The following LLGL1 variants were observed in gnomAD, a reference collection of about 807,000 sequenced individuals.
The protein encoded by LLGL1 is lethal(2) giant larvae protein homolog 1.
In LLGL1, 58 loss-of-function variants were observed where a neutral mutation model predicts 110.6. The observed-to-expected ratio is 0.52, with a 90% CI of 0.42 to 0.65. The LOEUF (loss-of-function observed/expected upper bound fraction) is 0.65. LLGL1 is among the 30% of genes least tolerant of loss of function. LLGL1 has a pLI of 0.00. For synonymous variants in LLGL1, 674 were observed against 607.2 expected, an observed-to-expected ratio of 1.11 and a Z score of -1.62; for missense variants, 1,229 against 1,462.1, an observed-to-expected ratio of 0.84 and a Z score of 2.60.
chr17:18,234,212 C>G, intron 6 of LLGL1, 37 bp downstream of exon 6: 1 of 1,599,142 alleles, frequency 6.3e-7, no homozygotes, highest in Non-Finnish European at 8.5e-7. Flanking sequence ...CAGCCTGGGC[C>G]CCTTGTGCAT....
Position 18,238,176 on chromosome 17 carries a change from G to C in LLGL1, c.2014G>C (p.Val672Leu). ...TTTCCGGCGCATTCGCAAGAGTCGT[G>C]TCTCTGGCAAGAAGCGGGCTGCTAA... ...QSFRRIRKSR[V>L]SGKKRAANAS... The change falls in exon 15 of 23, where the codon GTC becomes CTC. Residue 672 changes from valine to leucine, a missense_variant. Transcript: ENST00000316843. The C allele has an allele frequency of 6.2e-7, 1 of 1,612,982 alleles. No individual in the cohort carries two copies.
In LLGL1 at chr17:18,234,402, C is replaced by A; in HGVS notation, c.844C>A (p.Pro282Thr). Residue 282 changes from proline (P) to threonine (T), a missense_variant, in exon 7 of 23, where the codon CCT (proline) becomes ACT (threonine). Transcript: ENST00000316843. Reference protein sequence around the residue: ...PTLQPTVATTPYGPFPCKAIN... With the variant: ...PTLQPTVATTTYGPFPCKAIN... ...GCTGCAGCCCACGGTAGCCACCACA[C>A]CTTACGGTGAGTGCTGGGGACACCT... 1 of 1,612,590 alleles carries A rather than the reference C, an allele frequency of 6.2e-7. No individual in the cohort carries two copies. The highest frequency in any genetic ancestry group is 1.3e-5 in the African/African-American group (1 of 75,068).
At chr17:18,236,497 T>C (rs1383798715) in intron 11 of LLGL1, 110 bp from the exon 12 acceptor site, 7 of 1,078,932 alleles carry the variant, frequency 6.5e-6, no homozygotes, top group African/African-American at 3.1e-5. Flanking sequence ...TTCCGGTCAG[T>C]GTTTGGCACG....
At chr17:18,231,834 G>C (rs61576260) in intron 2 of LLGL1, among the ~76,000 whole-genome samples, 1 of 151,970 alleles carries the variant, frequency 6.6e-6, no homozygotes, top group Non-Finnish European at 1.5e-5. Flanking sequence ...TAATTTTTGC[G>C]TTTTTAGTAG....
chr17:18,225,799 GGGGGCGGGAC>G, intron 1 of LLGL1, 36 bp downstream of exon 1: 1 of 944,620 alleles, frequency 1.1e-6, no homozygotes, highest in Non-Finnish European at 1.3e-6. Context: ...TCGGGCGGGA[GGGGGCGGGAC>G]GGGGGCCTGG....
rs745652138 is a variant in LLGL1 at position 18,236,599 on chromosome 17, C to T, written c.1353-8C>T. On this transcript the variant is annotated splice_polypyrimidine_tract_variant and splice_region_variant and intron_variant, in intron 11 of 22. Transcript: ENST00000316843. ...CTCGGGTAGCCCTGACATCTGCCCT[C>T]CCTGCAGCCATGAGGACGGCACCGT... is the stretch of plus-strand genomic sequence containing the variant. 9 of 1,605,574 alleles carry T rather than the reference C, an allele frequency of 5.6e-6. No homozygotes were observed. In the South Asian group the frequency reaches 9.9e-5, roughly 18 times the overall value.
rs778698274 is a variant in LLGL1 at position 18,234,640 on chromosome 17, A to T, written c.851-9A>T. Reference sequence around the variant, plus strand: ...AGTGAGTCTGGTCTGACGCTGTCCCACCCCTCAGGCCCCTTTCCCTGCAAG... The same window carrying T: ...AGTGAGTCTGGTCTGACGCTGTCCCTCCCCTCAGGCCCCTTTCCCTGCAAG... On this transcript the variant is annotated splice_polypyrimidine_tract_variant and intron_variant, in intron 7 of 22. Coordinates refer to ENST00000316843, the MANE Select transcript of LLGL1 (RefSeq NM_004140.4). 6.2e-7 allele frequency: 1 copy of T among 1,613,848 alleles called. No homozygotes were observed. The highest frequency in any genetic ancestry group is 1.3e-5 in the African/African-American group (1 of 74,914).
intron 16 of LLGL1, among the ~76,000 whole-genome samples, chr17:18,238,934 G>A (rs774913006): frequency 3.9e-4 from 60 of 152,214 alleles, no homozygotes; most frequent in Middle Eastern, 6.8e-3. Context: ...TTGCTTGAAC[G>A]TGGGAGGCGG....
intron 2 of LLGL1, among the ~76,000 whole-genome samples, chr17:18,232,064 C>G (rs1228523496): frequency 3.9e-5 from 6 of 152,234 alleles, no homozygotes; most frequent in African/African-American, 1.2e-4. Context: ...GGCCTTGCAC[C>G]TCTGGCCTGC....
rs1376840752 is a variant in LLGL1 at position 18,244,049 on chromosome 17, AC to A, written c.*146del. 1 of 152,108 alleles carries A rather than the reference AC, an allele frequency of 6.6e-6. No homozygotes were observed. Among genetic ancestry groups the A allele is most frequent in the Non-Finnish European group, 1.5e-5 (1 of 68,136 alleles). The allele number at this position is 152,108 out of a possible 1,614,324, so 9.4% of individuals were successfully genotyped here. On this transcript the variant is annotated 3_prime_UTR_variant, in exon 23 of 23. Coordinates refer to ENST00000316843, the MANE Select transcript of LLGL1 (RefSeq NM_004140.4). ...GGGACCTGCTGTCCTGTCCCGCCTG[AC>A]CCTGGGCCCTGGAGCAGCACCAGCC... is the stretch of plus-strand genomic sequence containing the variant.
chr17:18,243,020 T>C (rs1291851283), intron 22 of LLGL1, among the ~76,000 whole-genome samples, 198 bp downstream of exon 22: 1 of 152,198 alleles, frequency 6.6e-6, no homozygotes, highest in African/African-American at 2.4e-5. Flanking sequence ...AGTGTCATGG[T>C]TGGGTATTAG....
rs1056823103 is a variant in LLGL1 at position 18,244,822 on chromosome 17, A to G, written c.*916A>G. On this transcript the variant is annotated 3_prime_UTR_variant, in exon 23 of 23. Transcript: ENST00000316843. ...TTGTTAAAATTAGCGCCATTTTAAT[A>G]TTAAAAATACTGATTTTTAATATTG... 7.9e-6 allele frequency: 3 copies of G among 377,558 alleles called. No individual in the cohort carries two copies. The highest frequency in any genetic ancestry group is 4.6e-5 in the Admixed American group (1 of 21,916). 23.4% of individuals were successfully genotyped at this position (377,558 alleles called of 1,614,324 possible). A position where few individuals can be genotyped will look rare whatever the true frequency, so the allele number is the denominator to read the frequency against.
rs1567695863 is a variant in LLGL1 at position 18,240,896 on chromosome 17, GGAC to G, written c.2502+24_2502+26del. 2 of 1,487,842 alleles carry G rather than the reference GGAC, an allele frequency of 1.3e-6. No homozygotes were observed. Among genetic ancestry groups the G allele is most frequent in the Non-Finnish European group, 1.8e-6 (2 of 1,109,684 alleles). 92.2% of individuals were successfully genotyped at this position (1,487,842 alleles called of 1,614,324 possible). On this transcript the variant is annotated intron_variant, in intron 17 of 22. Transcript: ENST00000316843. The surrounding 1 kb of genome is among the most constrained non-coding windows in gnomAD (Gnocchi z 5.3). ...AAGGTGAGCCACTGTGGGCTGTGGG[GGAC>G]TCTGGGGGACTCCCCTCCAGGCCCC... is the stretch of plus-strand genomic sequence containing the variant.
intron 20 of LLGL1, 51 bp from the exon 21 acceptor site, chr17:18,242,457 T>G: frequency 1.2e-6 from 2 of 1,609,134 alleles, no homozygotes; most frequent in Non-Finnish European, 1.7e-6. Context: ...GGCCCCCAGG[T>G]GCAGAGGGTG....
rs2047628429 is a variant in LLGL1, at chr17:18,233,953, C to G, written c.551+17C>G. The stretch of plus-strand genomic sequence containing the variant: ...TCTGCGCAGGTAAGAGGCCGGTGGG[C>G]TTCCCAGCACCCACTGTGTGCCCGG... On this transcript the variant is annotated intron_variant, in intron 5 of 22. Transcript: ENST00000316843. 2 of 1,603,042 alleles carry G rather than the reference C, an allele frequency of 1.2e-6. No individual in the cohort carries two copies. The highest frequency in any genetic ancestry group is 1.7e-6 in the Non-Finnish European group (2 of 1,173,698).
intron 17 of LLGL1, 186 bp downstream of exon 17, chr17:18,241,059 C>T: frequency 1.5e-6 from 1 of 652,706 alleles, no homozygotes; most frequent in Non-Finnish European, 2.5e-6. Context: ...CCTGATGCCC[C>T]CTCAGCCTGC....
rs762237113 is a variant in LLGL1 at position 18,240,677 on chromosome 17, G to A, written c.2306G>A (p.Arg769Gln). 7.4e-6 allele frequency: 12 copies of A among 1,613,170 alleles called. No homozygotes were observed. Among genetic ancestry groups the A allele is most frequent in the Non-Finnish European group, 1.0e-5 (12 of 1,179,818 alleles). ...GCAGCAGCAGTGGGTGGTGAGAAGC[G>A]GCCTGAGCAAGCGGTGGAGGCCGTG... is the stretch of plus-strand genomic sequence containing the variant. ...VPAAAVGGEK[R>Q]PEQAVEAVLG... Residue 769 changes from arginine to glutamine, a missense_variant, in exon 17 of 23, where the codon CGG (arginine) becomes CAG (glutamine). Arg to Gln is a conservative substitution (Grantham distance 43). Transcript: ENST00000316843. The surrounding 1 kb of genome is among the most constrained non-coding windows in gnomAD (Gnocchi z 5.3).
intron 2 of LLGL1, among the ~76,000 whole-genome samples, chr17:18,232,195 T>G (rs1183068923): frequency 6.6e-6 from 1 of 152,246 alleles, no homozygotes; most frequent in Admixed American, 6.5e-5. Context: ...TATTCTCACT[T>G]GATCTGCAAC....
intron 14 of LLGL1, 83 bp from the exon 15 acceptor site, chr17:18,237,984 G>A (rs1207905758): frequency 1.3e-6 from 2 of 1,509,672 alleles, no homozygotes; most frequent in East Asian, 2.3e-5. Context: ...TCCCTGACCT[G>A]GGTGCCTCCA....
Sources: gnomAD v4.1 joint callset for allele counts (sites outside exome capture counted in the v4.1 genomes callset) on GRCh38, gnomAD v4.1.1 for gene constraint, Gnocchi (gnomAD v3.1) non-coding constraint, MANE v1.5 for transcripts, NCBI Gene and HGNC (gene_info 2026-07-23, HGNC 2026-07-21) for gene names.